Variants in KCNAB1 observed in about 807,000 individuals in gnomAD.
KCNAB1 encodes the protein voltage-gated potassium channel subunit beta-1.
Under a neutral mutation model 64.6 loss-of-function variants are expected in KCNAB1, and 35 were observed. The observed-to-expected ratio is 0.54, with a 90% CI of 0.41 to 0.72. The LOEUF (loss-of-function observed/expected upper bound fraction) is 0.72. KCNAB1 is among the 30% of genes least tolerant of loss of function. The pLI, the probability that KCNAB1 is intolerant of heterozygous loss-of-function variation, is 0.00. For synonymous variants in KCNAB1, 177 were observed against 183.8 expected, an observed-to-expected ratio of 0.96 and a Z score of 0.30; for missense variants, 401 against 512.9, an observed-to-expected ratio of 0.78 and a Z score of 2.11.
At chr3:156,463,518 C>A (rs951051396) in intron 5 of KCNAB1, among the ~76,000 whole-genome samples, 184 bp from the exon 6 acceptor site, 6 of 152,166 alleles carry the variant, frequency 3.9e-5, no homozygotes, top group African/African-American at 1.2e-4. Context: ...GACTTTGAGT[C>A]CCCCGCACTA....
Position 156,248,659 on chromosome 3 carries a change from C to T in KCNAB1, c.275+127773C>T, listed in dbSNP as rs143899068. On this transcript the variant is annotated intron_variant, in intron 1 of 13. Transcript: ENST00000490337. ...ATTGCATATAAATGACAATGGAGGC[C>T]CATGGAGGCAAAGTAACATATCCGA... Among the ~76,000 whole-genome samples, 257 of 151,990 alleles carry T rather than the reference C, an allele frequency of 1.7e-3. 1 individual carries two copies. The highest frequency in any genetic ancestry group is 6.1e-3 in the African/African-American group (251 of 41,436).
At chr3:156,369,607 A>G (rs1224827412) in intron 1 of KCNAB1, among the ~76,000 whole-genome samples, 1 of 152,214 alleles carries the variant, frequency 6.6e-6, no homozygotes, top group African/African-American at 2.4e-5. Context: ...CTGCTAGCCT[A>G]TCTCCCTCAC....
intron 2 of KCNAB1, among the ~76,000 whole-genome samples, chr3:156,434,428 T>C (rs540278611): frequency 2.6e-5 from 4 of 152,208 alleles, no homozygotes; most frequent in African/African-American, 9.6e-5. Flanking sequence ...ATACGGAAGG[T>C]ATATCAGGGC....
intron 1 of KCNAB1, among the ~76,000 whole-genome samples, chr3:156,205,378 C>G (rs1038120905): frequency 6.6e-6 from 1 of 152,140 alleles, no homozygotes; most frequent in Non-Finnish European, 1.5e-5. Context: ...AATTATTTCA[C>G]TATTCCACTT....
chr3:156,411,250 C>A, intron 1 of KCNAB1, among the ~76,000 whole-genome samples: 1 of 152,040 alleles, frequency 6.6e-6, no homozygotes, highest in East Asian at 1.9e-4. Context: ...GGTGAAGTAT[C>A]TGTTCAGTAC....
intron 1 of KCNAB1, among the ~76,000 whole-genome samples, chr3:156,405,348 C>A (rs1045419000): frequency 2.0e-5 from 3 of 152,232 alleles, no homozygotes; most frequent in African/African-American, 7.2e-5. Flanking sequence ...CCAGAGCCCT[C>A]AGACTGCCAG....
At chr3:156,130,446 C>G (rs1325337082) in intron 1 of KCNAB1, among the ~76,000 whole-genome samples, 2 of 152,220 alleles carry the variant, frequency 1.3e-5, no homozygotes, top group African/African-American at 4.8e-5. Flanking sequence ...ATAGCTAGCA[C>G]ATTCCTTAGA....
chr3:156,272,614 C>T (rs1719103127), intron 1 of KCNAB1, among the ~76,000 whole-genome samples: 1 of 151,878 alleles, frequency 6.6e-6, no homozygotes. Flanking sequence ...AATGAGTTCT[C>T]CTCTGGCTCA....
intron 8 of KCNAB1, among the ~76,000 whole-genome samples, chr3:156,476,551 A>G (rs1390713445): frequency 7.7e-5 from 11 of 142,840 alleles, no homozygotes; most frequent in African/African-American, 2.5e-4. Context: ...ACACACGCAC[A>G]CACACACACA....
intron 8 of KCNAB1, among the ~76,000 whole-genome samples, chr3:156,493,937 C>T (rs542681230): frequency 6.6e-6 from 1 of 152,116 alleles, no homozygotes; most frequent in African/African-American, 2.4e-5. Context: ...ACTTTGATCA[C>T]TTGGTTTTAT....
intron 1 of KCNAB1, among the ~76,000 whole-genome samples, chr3:156,178,443 C>T (rs975722634): frequency 6.6e-6 from 1 of 152,188 alleles, no homozygotes; most frequent in African/African-American, 2.4e-5. Flanking sequence ...AGATGTAGCA[C>T]GACAGAGATG....
At chr3:156,126,732 TG>T (rs1177825441) in intron 1 of KCNAB1, among the ~76,000 whole-genome samples, 2 of 152,198 alleles carry the variant, frequency 1.3e-5, no homozygotes, top group African/African-American at 2.4e-5. Flanking sequence ...GTTCAAGCCC[TG>T]GCTCTACCAA....
intron 1 of KCNAB1, among the ~76,000 whole-genome samples, chr3:156,156,481 G>C (rs997231926): frequency 1.3e-5 from 2 of 152,236 alleles, no homozygotes; most frequent in Non-Finnish European, 2.9e-5. Flanking sequence ...GCCCAGGAAG[G>C]AGGTAACAGC....
intron 1 of KCNAB1, among the ~76,000 whole-genome samples, chr3:156,128,661 C>A (rs73876104): frequency 6.6e-6 from 1 of 152,158 alleles, no homozygotes; most frequent in Admixed American, 6.5e-5. Context: ...AGGCCCAGAT[C>A]CCAGGTCTCC....
intron 1 of KCNAB1, among the ~76,000 whole-genome samples, chr3:156,323,211 A>C (rs1722780687): frequency 6.6e-6 from 1 of 152,130 alleles, no homozygotes; most frequent in Non-Finnish European, 1.5e-5. Context: ...TTGGTGTATA[A>C]ATATAAGTGG....
Position 156,125,240 on chromosome 3 carries a change from A to G in KCNAB1, c.275+4354A>G, listed in dbSNP as rs563462113. Among the ~76,000 whole-genome samples, 4 of 152,346 alleles carry G rather than the reference A, an allele frequency of 2.6e-5. No homozygotes were observed. The South Asian group carries it at 8.3e-4, about 32-fold the overall frequency. ...CACTCTGTAAAATAGGGCTTGAGAT[A>G]TAACCCATACTGTACACGGTGTATT... On this transcript the variant is annotated intron_variant, in intron 1 of 13. Coordinates refer to ENST00000490337, the MANE Select transcript of KCNAB1 (RefSeq NM_172160.3).
chr3:156,358,288 C>T (rs1725390834), intron 1 of KCNAB1, among the ~76,000 whole-genome samples: 1 of 152,178 alleles, frequency 6.6e-6, no homozygotes, highest in African/African-American at 2.4e-5. Context: ...AAACCACCAT[C>T]ACCAACAACA....
chr3:156,149,664 A>C (rs914326350), intron 1 of KCNAB1, among the ~76,000 whole-genome samples: 1 of 152,138 alleles, frequency 6.6e-6, no homozygotes, highest in Non-Finnish European at 1.5e-5. Context: ...GAAGCTGAAA[A>C]ACCCTACTTC....
chr3:156,228,191 T>C (rs1707236008), intron 1 of KCNAB1, among the ~76,000 whole-genome samples: 1 of 152,128 alleles, frequency 6.6e-6, no homozygotes, highest in South Asian at 2.1e-4. Flanking sequence ...ACTGTGTCGG[T>C]GGGAAGTCAG....
Sources: allele counts gnomAD v4.1 joint callset (sites outside exome capture counted in the v4.1 genomes callset), GRCh38; gene constraint gnomAD v4.1.1; transcripts MANE v1.5; gene names NCBI Gene and HGNC (gene_info 2026-07-23, HGNC 2026-07-21).